Variants in GALNTL6 observed in about 807,000 individuals in gnomAD.
GALNTL6 encodes polypeptide N-acetylgalactosaminyltransferase-like 6.
A neutral mutation model predicts 73.7 loss-of-function variants in GALNTL6; 46 were observed. The ratio of observed to expected loss-of-function variants is 0.62; its 90% CI spans 0.49 to 0.80. The LOEUF (loss-of-function observed/expected upper bound fraction) is 0.80, where lower values mean the gene tolerates loss of function less well. GALNTL6 is among the 30% of genes least tolerant of loss of function. The probability of loss-of-function intolerance (pLI) is 0.00; values close to 1 mark genes in which losing one functional copy is unlikely to be tolerated. For missense variants in GALNTL6, 604 were observed against 755.0 expected, an observed-to-expected ratio of 0.80 and a Z score of 2.34; for synonymous variants, 259 against 263.7, an observed-to-expected ratio of 0.98 and a Z score of 0.17.
chr4:171,948,125 A>G (rs1738756870), intron 2 of GALNTL6, among the ~76,000 whole-genome samples: 1 of 151,558 alleles, frequency 6.6e-6, no homozygotes, highest in African/African-American at 2.4e-5. Flanking sequence ...TGTTTCATTT[A>G]TGAAGGATTT....
rs1022111790 is a variant in GALNTL6, at chr4:172,938,403, T to C, written c.1149+7135T>C. ...ATGGTGTCAGCTTTCCCATCTGAAATAGCTGAAATAAAAGAGCACAATGTC... is the reference window on the plus strand; with the variant it reads ...ATGGTGTCAGCTTTCCCATCTGAAACAGCTGAAATAAAAGAGCACAATGTC... On this transcript the variant is annotated intron_variant, in intron 9 of 12. Coordinates refer to ENST00000506823, the MANE Select transcript of GALNTL6 (RefSeq NM_001034845.3). Among the ~76,000 whole-genome samples, 5 of 152,280 alleles carry C rather than the reference T, an allele frequency of 3.3e-5. No homozygotes were observed. In the East Asian group the frequency reaches 5.8e-4, roughly 18 times the overall value.
intron 5 of GALNTL6, among the ~76,000 whole-genome samples, chr4:172,633,564 T>A (rs1013305358): frequency 3.3e-5 from 5 of 152,182 alleles, no homozygotes; most frequent in African/African-American, 1.2e-4. Flanking sequence ...TGGGAGGGAC[T>A]TGCCTTGTCT....
Position 172,094,939 on chromosome 4 carries a change from T to C in GALNTL6, c.139-134717T>C, listed in dbSNP as rs1732307738. Among the ~76,000 whole-genome samples the C allele has an allele frequency of 2.6e-5, 4 of 151,842 alleles. No homozygotes were observed. In the South Asian group the frequency reaches 8.3e-4, roughly 31 times the overall value. On this transcript the variant is annotated intron_variant, in intron 2 of 12. Coordinates refer to ENST00000506823, the MANE Select transcript of GALNTL6 (RefSeq NM_001034845.3). ...TAACTTCACTGTTTCTTAAATCCCA[T>C]AGTTTTTTGTTTTTTGTTTTTTTTT...
intron 5 of GALNTL6, among the ~76,000 whole-genome samples, chr4:172,718,334 T>G (rs1353884583): frequency 6.6e-6 from 1 of 152,128 alleles, no homozygotes; most frequent in African/African-American, 2.4e-5. Context: ...TATTTAACCT[T>G]TAAAACAGTC....
At chr4:172,294,368 T>C (rs1561010653) in intron 3 of GALNTL6, among the ~76,000 whole-genome samples, 1 of 152,220 alleles carries the variant, frequency 6.6e-6, no homozygotes, top group Non-Finnish European at 1.5e-5. Flanking sequence ...TAGATGTAGT[T>C]AAAAATGTTC....
chr4:172,631,788 G>A (rs1427320124), intron 5 of GALNTL6, among the ~76,000 whole-genome samples: 1 of 152,118 alleles, frequency 6.6e-6, no homozygotes, highest in African/African-American at 2.4e-5. Flanking sequence ...AAAAGGGATA[G>A]GTAATTTAAG....
chr4:172,478,401 T>C (rs1311315801), intron 5 of GALNTL6, among the ~76,000 whole-genome samples: 2 of 152,030 alleles, frequency 1.3e-5, no homozygotes, highest in Non-Finnish European at 2.9e-5. Context: ...AGACAAAACA[T>C]GCACTAGGGA....
At chr4:172,020,375 CTT>C (rs35809503) in intron 2 of GALNTL6, among the ~76,000 whole-genome samples, 8 of 142,670 alleles carry the variant, frequency 5.6e-5, no homozygotes, top group African/African-American at 1.0e-4. Context: ...CAAAAGGTTG[CTT>C]TTTTTTTTTG....
At chr4:171,918,176 G>A (rs886805082) in intron 2 of GALNTL6, among the ~76,000 whole-genome samples, 7 of 151,900 alleles carry the variant, frequency 4.6e-5, no homozygotes, top group Non-Finnish European at 5.9e-5. Flanking sequence ...TTCAACTTAC[G>A]GGCGTTAAGT....
At chr4:172,821,619 G>T (rs1741934506) in intron 7 of GALNTL6, among the ~76,000 whole-genome samples, 2 of 152,132 alleles carry the variant, frequency 1.3e-5, no homozygotes, top group Non-Finnish European at 2.9e-5. Flanking sequence ...CTTCTGGTCT[G>T]TTTATAACAA....
intron 2 of GALNTL6, among the ~76,000 whole-genome samples, chr4:172,167,087 A>G (rs1413475146): frequency 6.6e-6 from 1 of 152,246 alleles, no homozygotes; most frequent in East Asian, 1.9e-4. Flanking sequence ...AAAGGATTAC[A>G]TAAGTTGTTC....
chr4:172,610,561 G>C (rs1738488538), intron 5 of GALNTL6, among the ~76,000 whole-genome samples: 1 of 151,942 alleles, frequency 6.6e-6, no homozygotes. Flanking sequence ...AGTGTGCTTG[G>C]TATGATTTTG....
chr4:172,718,171 A>G, intron 5 of GALNTL6, among the ~76,000 whole-genome samples: 1 of 152,256 alleles, frequency 6.6e-6, no homozygotes, highest in Admixed American at 6.5e-5. Flanking sequence ...TCTATTGTGC[A>G]GATAATTCAG....
In GALNTL6 at chr4:172,788,627, G is replaced by A. The variant is rs531763801; in HGVS notation, c.554-20734G>A. On this transcript the variant is annotated intron_variant, in intron 5 of 12. Coordinates refer to ENST00000506823, the MANE Select transcript of GALNTL6 (RefSeq NM_001034845.3). Reference sequence around the variant, plus strand: ...GCGGAGCTTGCAGTGGGCCGATATCGCACCACTGCACTCCAGCCTGAGGGA... The same window carrying A: ...GCGGAGCTTGCAGTGGGCCGATATCACACCACTGCACTCCAGCCTGAGGGA... Among the ~76,000 whole-genome samples the A allele has an allele frequency of 3.8e-4, 51 of 134,116 alleles. 1 individual carries two copies. In the South Asian group the frequency reaches 5.5e-3, roughly 14 times the overall value. The allele number at this position is 134,116 out of a possible 152,430, so 88.0% of individuals were successfully genotyped here.
intron 3 of GALNTL6, among the ~76,000 whole-genome samples, chr4:172,265,776 T>A (rs1738430419): frequency 6.6e-6 from 1 of 152,094 alleles, no homozygotes; most frequent in African/African-American, 2.4e-5. Flanking sequence ...TTCTTTTGTT[T>A]ATAAAGAACA....
chr4:171,889,820 A>G (rs1736711597), intron 2 of GALNTL6, among the ~76,000 whole-genome samples: 1 of 152,106 alleles, frequency 6.6e-6, no homozygotes, highest in African/African-American at 2.4e-5. Flanking sequence ...AGTTTATAGC[A>G]GAGCAGTTGC....
intron 5 of GALNTL6, among the ~76,000 whole-genome samples, chr4:172,591,531 A>T (rs951608773): frequency 1.8e-4 from 27 of 152,216 alleles, no homozygotes; most frequent in Non-Finnish European, 4.4e-5. Context: ...CTGAAAAATG[A>T]ATGTGTTATT....
chr4:172,536,202 A>G (rs1735340184), intron 5 of GALNTL6, among the ~76,000 whole-genome samples: 2 of 152,166 alleles, frequency 1.3e-5, no homozygotes, highest in South Asian at 4.1e-4. Flanking sequence ...CTTTTTCATT[A>G]TAAATTACCC....
At chr4:172,773,489 G>A (rs757685236) in intron 5 of GALNTL6, among the ~76,000 whole-genome samples, 9 of 151,890 alleles carry the variant, frequency 5.9e-5, no homozygotes, top group Non-Finnish European at 1.2e-4. Context: ...TCATATAGTT[G>A]GTCCTTATTT....
Sources: gnomAD v4.1 joint callset for allele counts (sites outside exome capture counted in the v4.1 genomes callset) on GRCh38, gnomAD v4.1.1 for gene constraint, MANE v1.5 for transcripts, NCBI Gene and HGNC (gene_info 2026-07-23, HGNC 2026-07-21) for gene names.